DUSP4: variants seen among roughly 807,000 people sequenced by gnomAD.
The protein encoded by DUSP4 is dual specificity protein phosphatase 4.
DUSP4 carries 12 observed loss-of-function variants against 27.2 expected under a neutral mutation model. The observed-to-expected ratio is 0.44, with a 90% CI of 0.28 to 0.71. The LOEUF (loss-of-function observed/expected upper bound fraction) is 0.71, where lower values mean the gene tolerates loss of function less well. Ranked by LOEUF, DUSP4 falls within the 30% of genes least tolerant of loss-of-function variation. DUSP4 has a pLI of 0.14. For synonymous variants in DUSP4, 257 were observed against 245.2 expected, an observed-to-expected ratio of 1.05 and a Z score of -0.45; for missense variants, 448 against 551.3, an observed-to-expected ratio of 0.81 and a Z score of 1.88.
chr8:29,349,173 G>C (rs575048711), intron 1 of DUSP4, among the ~76,000 whole-genome samples: 1 of 152,362 alleles, frequency 6.6e-6, no homozygotes, highest in Non-Finnish European at 1.5e-5. Context: ...TAGAGGACCG[G>C]TTCCGCCCGG....
intron 1 of DUSP4, among the ~76,000 whole-genome samples, 165 bp downstream of exon 1, chr8:29,349,681 C>T (rs1817791901): frequency 6.6e-6 from 1 of 152,236 alleles, no homozygotes; most frequent in Non-Finnish European, 1.5e-5. Flanking sequence ...CGCACTTGCA[C>T]AGAAACCTTG....
chr8:29,347,889 C>T (rs1371388533), intron 1 of DUSP4: 1 of 985,500 alleles, frequency 1.0e-6, no homozygotes. Context: ...GGAGGGAGGA[C>T]TCTCAACGGG....
Position 29,340,084 on chromosome 8 carries a change from C to G in DUSP4, c.579+14G>C, listed in dbSNP as rs1009575987. On this transcript the variant is annotated intron_variant, in intron 2 of 3. Transcript: ENST00000240100. ...TCCTGCCCCCCACTTCCAAGCCCTG[C>G]CCCCCGAGTCTACCTGGTCGTGTAG... 6.4e-7 allele frequency: 1 copy of G among 1,555,136 alleles called. No individual in the cohort carries two copies. Among genetic ancestry groups the G allele is most frequent in the Admixed American group, 1.9e-5 (1 of 51,334 alleles).
chr8:29,350,107 C>G lies in DUSP4; in HGVS notation c.172G>C (p.Ala58Pro), dbSNP rs757990122. 3 of 1,608,866 alleles carry G rather than the reference C, an allele frequency of 1.9e-6. No individual in the cohort carries two copies. The highest frequency in any genetic ancestry group is 1.7e-6 in the Non-Finnish European group (2 of 1,178,974). Residue 58 changes from alanine (A) to proline (P), a missense_variant, in exon 1 of 4, where the codon GCG becomes CCG. Physicochemically the swap from Ala to Pro is conservative, Grantham distance 27 (BLOSUM62 -1). Around this residue, in one of 3 missense-constraint regions of DUSP4, gnomAD observed 345 missense variants for 394.0 expected, o/e 0.88. Transcript: ENST00000240100. The part of the protein sequence containing the change: ...LDCRPFLAHS[A>P]GYILGSVNVR... ...TTGACCGAACCTAGGATGTAGCCCG[C>G]GCTGTGCGCCAGGAACGGTCTGCAG... is the stretch of plus-strand genomic sequence containing the variant.
Position 29,342,748 on chromosome 8 carries a change from G to A in DUSP4, c.434-2505C>T, listed in dbSNP as rs554609491. On this transcript the variant is annotated intron_variant, in intron 1 of 3. Coordinates refer to ENST00000240100, the MANE Select transcript of DUSP4 (RefSeq NM_001394.7). ...GGGGAACAGGCTAGATGTGGCCTGA[G>A]AGGGCCATTCGTCATCTCCCCCAGG... Among the ~76,000 whole-genome samples the A allele has an allele frequency of 3.3e-5, 5 of 152,364 alleles. No homozygotes were observed. In the East Asian group the frequency reaches 5.8e-4, roughly 18 times the overall value.
rs996706954 is a variant in DUSP4, at chr8:29,335,305, C to T, written c.*1721G>A. The T allele has an allele frequency of 2.0e-5, 3 of 152,208 alleles. No individual in the cohort carries two copies. The highest frequency in any genetic ancestry group is 2.9e-5 in the Non-Finnish European group (2 of 68,010). 9.4% of individuals were successfully genotyped at this position (152,208 alleles called of 1,614,324 possible). Reference sequence around the variant, plus strand: ...AGGATTCAAAATGGCACCCACGTGCCGACGATAGATTCAAAATGGCGCCTG... The same window carrying T: ...AGGATTCAAAATGGCACCCACGTGCTGACGATAGATTCAAAATGGCGCCTG... On this transcript the variant is annotated 3_prime_UTR_variant, in exon 4 of 4. Coordinates refer to ENST00000240100, the MANE Select transcript of DUSP4 (RefSeq NM_001394.7).
In DUSP4 at chr8:29,335,068, G is replaced by A. The variant is rs1275777515; in HGVS notation, c.*1958C>T. 2 of 152,130 alleles carry A rather than the reference G, an allele frequency of 1.3e-5. No individual in the cohort carries two copies. The highest frequency in any genetic ancestry group is 2.9e-5 in the Non-Finnish European group (2 of 68,038). 9.4% of individuals were successfully genotyped at this position (152,130 alleles called of 1,614,324 possible). A position where few individuals can be genotyped will look rare whatever the true frequency, so the allele number is the denominator to read the frequency against. On this transcript the variant is annotated 3_prime_UTR_variant, in exon 4 of 4. Coordinates refer to ENST00000240100, the MANE Select transcript of DUSP4 (RefSeq NM_001394.7). ...TATGGGTGAGCAAGAATGTTCATTA[G>A]ATGTAGACTCTCAAAGGGCTAAAAA...
At position 29,338,500 on chromosome 8, in the gene DUSP4, C is replaced by A. The variant is rs766229432; in HGVS notation, c.581G>T (p.Gly194Val). ...SSCGTPLHDQ[G>V]GPVEILPFLY... ...GAAGGGAAGGATCTCCACAGGACCC[C>A]CCTGCACAGAAAGGGAAACAAAGGC... Residue 194 changes from glycine (G) to valine (V), a missense_variant and splice_region_variant, in exon 3 of 4, where the codon GGG (glycine) becomes GTG (valine). Physicochemically the swap from Gly to Val is moderately radical, Grantham distance 109. This residue lies in a region of DUSP4 where 345 missense variants were observed against 394.0 expected (regional missense o/e 0.88). Coordinates refer to ENST00000240100, the MANE Select transcript of DUSP4 (RefSeq NM_001394.7). 1 of 1,612,470 alleles carries A rather than the reference C, an allele frequency of 6.2e-7. No individual in the cohort carries two copies. The highest frequency in any genetic ancestry group is 8.5e-7 in the Non-Finnish European group (1 of 1,179,704).
chr8:29,338,408 G>C lies in DUSP4; in HGVS notation c.673C>G (p.Leu225Val). 6.2e-7 allele frequency: 1 copy of C among 1,614,210 alleles called. No homozygotes were observed. Among genetic ancestry groups the C allele is most frequent in the Non-Finnish European group, 8.5e-7 (1 of 1,180,036 alleles). Reference protein sequence around the residue: ...DMLDALGITALLNVSSDCPNH... With the variant: ...DMLDALGITAVLNVSSDCPNH... ...GGGCAGTCCGAGGAGACATTCAACA[G>C]AGCCGTGATGCCCAGGGCGTCCAGC... Residue 225 changes from leucine (L) to valine (V), a missense_variant, in exon 3 of 4, where the codon CTG becomes GTG. Coordinates refer to ENST00000240100, the MANE Select transcript of DUSP4 (RefSeq NM_001394.7).
At position 29,337,016 on chromosome 8, in the gene DUSP4, C is replaced by T. The variant is rs1483711270; in HGVS notation, c.*10G>A. On this transcript the variant is annotated 3_prime_UTR_variant, in exon 4 of 4. Coordinates refer to ENST00000240100, the MANE Select transcript of DUSP4 (RefSeq NM_001394.7). This position sits in a 1 kb window ranked among gnomAD's most constrained non-coding sequence, Gnocchi z 6.4. ...GAGCCAGCTCTGGTTCTGGGGCCCC[C>T]AGGGCGGCTCTAACAGCTGGGAGAG... is the stretch of plus-strand genomic sequence containing the variant. 6.3e-7 allele frequency: 1 copy of T among 1,581,402 alleles called. No homozygotes were observed. Among genetic ancestry groups the T allele is most frequent in the Admixed American group, 1.8e-5 (1 of 54,748 alleles).
At chr8:29,348,061 G>A (rs530452395) in intron 1 of DUSP4, 2 of 985,622 alleles carry the variant, frequency 2.0e-6, no homozygotes, top group South Asian at 4.7e-5. Flanking sequence ...ATTTCTTCCA[G>A]GAAGGAAAGC....
At chr8:29,348,500 G>T in intron 1 of DUSP4, 1 of 985,628 alleles carries the variant, frequency 1.0e-6, no homozygotes, top group Non-Finnish European at 1.2e-6. Context: ...CAGCAAAATC[G>T]CCTTAGCAGT....
At chr8:29,340,053 C>G in intron 2 of DUSP4, 45 bp downstream of exon 2, 1 of 1,545,524 alleles carries the variant, frequency 6.5e-7, no homozygotes, top group Non-Finnish European at 8.7e-7. Flanking sequence ...CTGGCCCCTA[C>G]GCTGTTCCTG....
At chr8:29,341,984 T>C (rs921315911) in intron 1 of DUSP4, among the ~76,000 whole-genome samples, 2 of 152,210 alleles carry the variant, frequency 1.3e-5, no homozygotes, top group African/African-American at 4.8e-5. Flanking sequence ...ATTACATAAT[T>C]TGAGCTATTA....
rs1448174448 is a variant in DUSP4 at position 29,337,679 on chromosome 8, A to C, written c.800-268T>G. On this transcript the variant is annotated intron_variant, in intron 3 of 3. Transcript: ENST00000240100. The surrounding 1 kb of genome is among the most constrained non-coding windows in gnomAD (Gnocchi z 6.4). ...TTGCAGAAACAAAACAGTGGGGTCC[A>C]GGGTGGTGGCTCACTCCTGTAATCC... Among the ~76,000 whole-genome samples the C allele has an allele frequency of 6.6e-6, 1 of 152,184 alleles. No individual in the cohort carries two copies.
intron 2 of DUSP4, among the ~76,000 whole-genome samples, 187 bp from the exon 3 acceptor site, chr8:29,338,688 CT>C (rs1422504625): frequency 6.6e-6 from 1 of 152,188 alleles, no homozygotes; most frequent in Non-Finnish European, 1.5e-5. Context: ...CCCAGTGGGA[CT>C]TCTCCAGCCT....
At position 29,335,497 on chromosome 8, in the gene DUSP4, T is replaced by G. The variant is rs1175741541; in HGVS notation, c.*1529A>C. 2 of 152,112 alleles carry G rather than the reference T, an allele frequency of 1.3e-5. No homozygotes were observed. The highest frequency in any genetic ancestry group is 2.9e-5 in the Non-Finnish European group (2 of 68,040). The allele number at this position is 152,112 out of a possible 1,614,324, so 9.4% of individuals were successfully genotyped here. A position where few individuals can be genotyped will look rare whatever the true frequency, so the allele number is the denominator to read the frequency against. On this transcript the variant is annotated 3_prime_UTR_variant, in exon 4 of 4. Coordinates refer to ENST00000240100, the MANE Select transcript of DUSP4 (RefSeq NM_001394.7). ...CTGATGCTCTCTTGCCCTTCCACAC[T>G]TCGAGAAGACCTGAAATGTGGTGTC... is the stretch of plus-strand genomic sequence containing the variant.
chr8:29,347,188 C>T (rs1817748069), intron 1 of DUSP4, among the ~76,000 whole-genome samples: 1 of 152,200 alleles, frequency 6.6e-6, no homozygotes, highest in Admixed American at 6.5e-5. Flanking sequence ...CCAGAGCCCC[C>T]TCCCGGGAAA....
chr8:29,340,010 A>C, intron 2 of DUSP4, 88 bp downstream of exon 2: 1 of 1,475,430 alleles, frequency 6.8e-7, no homozygotes, highest in African/African-American at 1.4e-5. Context: ...AAAGACAAAA[A>C]ACACCGTCAG....
Sources: gnomAD v4.1 joint callset for allele counts (sites outside exome capture counted in the v4.1 genomes callset) on GRCh38, gnomAD v4.1.1 for gene constraint, gnomAD v4.1.1 regional missense constraint, Gnocchi (gnomAD v3.1) non-coding constraint, MANE v1.5 for transcripts, NCBI Gene and HGNC (gene_info 2026-07-23, HGNC 2026-07-21) for gene names.